Variants in IGF2BP2 observed in about 807,000 individuals in gnomAD.
The protein encoded by IGF2BP2 is insulin-like growth factor 2 mRNA-binding protein 2.
In IGF2BP2, 17 loss-of-function variants were observed where a neutral mutation model predicts 75.8. That is an observed-to-expected ratio of 0.22 (90% confidence interval 0.15 to 0.34). IGF2BP2 has a LOEUF of 0.34. IGF2BP2 is among the 10% of genes least tolerant of loss of function. IGF2BP2 has a pLI of 1.00. For synonymous variants in IGF2BP2, 288 were observed against 295.6 expected (o/e 0.97, Z 0.26); for missense variants, 516 against 772.4 (o/e 0.67, Z 3.93).
intron 2 of IGF2BP2, among the ~76,000 whole-genome samples, chr3:185,806,715 T>C (rs1739080949): frequency 1.3e-5 from 2 of 152,208 alleles, no homozygotes; most frequent in African/African-American, 4.8e-5. Flanking sequence ...AACATCAACA[T>C]GGATATGCTT....
intron 10 of IGF2BP2, among the ~76,000 whole-genome samples, chr3:185,667,376 T>C (rs1254893459): frequency 6.6e-6 from 1 of 152,130 alleles, no homozygotes; most frequent in Admixed American, 6.5e-5. Flanking sequence ...TTGAGGAGGC[T>C]GAGGTGGGAG....
At chr3:185,699,928 G>A (rs1723065918) in intron 2 of IGF2BP2, among the ~76,000 whole-genome samples, 1 of 152,146 alleles carries the variant, frequency 6.6e-6, no homozygotes, top group South Asian at 2.1e-4. Context: ...AAAAAGAACA[G>A]TATAAGTTAT....
intron 2 of IGF2BP2, among the ~76,000 whole-genome samples, chr3:185,744,491 C>T (rs1186967127): frequency 6.6e-6 from 1 of 152,118 alleles, no homozygotes; most frequent in African/African-American, 2.4e-5. Flanking sequence ...AATTTGACAC[C>T]TTCCTTTCTT....
intron 2 of IGF2BP2, among the ~76,000 whole-genome samples, chr3:185,799,981 A>G (rs996319848): frequency 1.3e-5 from 2 of 152,256 alleles, no homozygotes; most frequent in Non-Finnish European, 2.9e-5. Context: ...ATGCACACGT[A>G]TCTTTACTGT....
intron 2 of IGF2BP2, chr3:185,716,523 T>G (rs1275713432): frequency 3.8e-6 from 2 of 520,026 alleles, no homozygotes; most frequent in Non-Finnish European, 7.7e-6. Context: ...GTGGGCTGCT[T>G]TATCCTGTAG....
chr3:185,778,438 T>C (rs1734799757), intron 2 of IGF2BP2, among the ~76,000 whole-genome samples: 1 of 152,166 alleles, frequency 6.6e-6, no homozygotes, highest in Non-Finnish European at 1.5e-5. Flanking sequence ...TCATCAACAT[T>C]ATAATAAAGC....
At chr3:185,809,122 T>C (rs1240309010) in intron 2 of IGF2BP2, among the ~76,000 whole-genome samples, 3 of 146,538 alleles carry the variant, frequency 2.0e-5, no homozygotes, top group Non-Finnish European at 4.6e-5. Flanking sequence ...CTTTTCTTTC[T>C]TTTTTTTTTC....
At chr3:185,713,070 ATGTATGTGTGTGTG>A (rs1725044083) in intron 2 of IGF2BP2, among the ~76,000 whole-genome samples, 1 of 145,688 alleles carries the variant, frequency 6.9e-6, no homozygotes, top group African/African-American at 2.7e-5. Context: ...CCCTACAGAT[ATGTATGTGTGTGTG>A]TGTGTGTGTG....
At chr3:185,747,908 T>A (rs1730466918) in intron 2 of IGF2BP2, among the ~76,000 whole-genome samples, 1 of 152,024 alleles carries the variant, frequency 6.6e-6, no homozygotes, top group Non-Finnish European at 1.5e-5. Context: ...CCGGCTGGAG[T>A]GCAGTGGTGC....
At chr3:185,650,115 G>A (rs1714338805) in intron 13 of IGF2BP2, among the ~76,000 whole-genome samples, 1 of 148,916 alleles carries the variant, frequency 6.7e-6, no homozygotes, top group East Asian at 2.0e-4. Context: ...TTAGAGATGA[G>A]GTCTATGTTG....
chr3:185,736,501 TCA>T (rs1330923589), intron 2 of IGF2BP2, among the ~76,000 whole-genome samples: 7 of 152,180 alleles, frequency 4.6e-5, no homozygotes, highest in Non-Finnish European at 1.0e-4. Flanking sequence ...GGACATGGCT[TCA>T]CACACACAAT....
At position 185,652,108 on chromosome 3, in the gene IGF2BP2, C is replaced by T; in HGVS notation, c.1447G>A (p.Glu483Lys). ...ERMVIITGPP[E>K]AQFKAQGRIF... ...TTGGCACTAACCTTGAACTGGGCTT[C>T]CGGTGGCCCGGTGATGATGACCATC... is the stretch of plus-strand genomic sequence containing the variant. Residue 483 changes from glutamate to lysine, a missense_variant, in exon 13 of 16, where the codon GAA (glutamate) becomes AAA (lysine). Around this residue, in one of 3 missense-constraint regions of IGF2BP2, gnomAD observed 129 missense variants for 230.5 expected, o/e 0.56. Coordinates refer to ENST00000382199, the MANE Select transcript of IGF2BP2 (RefSeq NM_006548.6). 1 of 1,612,724 alleles carries T rather than the reference C, an allele frequency of 6.2e-7. No homozygotes were observed. The highest frequency in any genetic ancestry group is 8.5e-7 in the Non-Finnish European group (1 of 1,179,112).
intron 10 of IGF2BP2, among the ~76,000 whole-genome samples, chr3:185,663,148 G>A (rs1716744128): frequency 6.6e-6 from 1 of 152,210 alleles, no homozygotes; most frequent in Non-Finnish European, 1.5e-5. Flanking sequence ...AGTCCCTGAG[G>A]GATAGGGAGG....
chr3:185,735,756 A>T (rs988841884), intron 2 of IGF2BP2, among the ~76,000 whole-genome samples: 6 of 152,176 alleles, frequency 3.9e-5, no homozygotes, highest in Admixed American at 2.0e-4. Flanking sequence ...ATAACTCTTA[A>T]ATATTTCTAA....
chr3:185,807,985 T>C (rs992720125), intron 2 of IGF2BP2, among the ~76,000 whole-genome samples: 3 of 152,068 alleles, frequency 2.0e-5, no homozygotes, highest in African/African-American at 7.2e-5. Flanking sequence ...TAATAAATGT[T>C]TTTGTTTTAA....
intron 2 of IGF2BP2, among the ~76,000 whole-genome samples, chr3:185,821,401 TG>T (rs1235508661): frequency 2.0e-5 from 3 of 152,194 alleles, no homozygotes; most frequent in Non-Finnish European, 4.4e-5. Context: ...TACTAAAAAC[TG>T]GGGACATGCC....
chr3:185,715,002 G>A (rs1286976506), intron 2 of IGF2BP2, among the ~76,000 whole-genome samples: 3 of 152,196 alleles, frequency 2.0e-5, no homozygotes, highest in Non-Finnish European at 4.4e-5. Flanking sequence ...GGCAGGGAGT[G>A]CACCTCACAT....
intron 2 of IGF2BP2, among the ~76,000 whole-genome samples, chr3:185,708,356 G>C (rs572509977): frequency 2.7e-4 from 41 of 152,202 alleles, no homozygotes; most frequent in African/African-American, 9.9e-4. Flanking sequence ...ACGTGCCTTC[G>C]GAAGGATGTC....
Position 185,651,067 on chromosome 3 carries a change from C to T in IGF2BP2, c.1461+1027G>A, listed in dbSNP as rs546356686. Among the ~76,000 whole-genome samples the T allele has an allele frequency of 4.9e-4, 75 of 152,164 alleles. No homozygotes were observed. In the Middle Eastern group the frequency reaches 0.01, roughly 21 times the overall value. ...GGGACTACAGGTACATGCTACCACA[C>T]CCAGCTACTTTAAAATTTTTTTTGT... On this transcript the variant is annotated intron_variant, in intron 13 of 15. Coordinates refer to ENST00000382199, the MANE Select transcript of IGF2BP2 (RefSeq NM_006548.6).
Sources: allele counts gnomAD v4.1 joint callset (sites outside exome capture counted in the v4.1 genomes callset), GRCh38; gene constraint gnomAD v4.1.1; regional missense constraint gnomAD v4.1.1; transcripts MANE v1.5; gene names NCBI Gene and HGNC (gene_info 2026-07-23, HGNC 2026-07-21).